The following SEMA4D variants were observed in gnomAD, a reference collection of about 807,000 sequenced individuals.
SEMA4D encodes semaphorin-4D.
Under a neutral mutation model 74.8 loss-of-function variants are expected in SEMA4D, and 22 were observed. That is an observed-to-expected ratio of 0.29 (90% CI 0.21 to 0.42). The LOEUF is 0.42. Ranked by LOEUF, SEMA4D falls within the 10% of genes least tolerant of loss-of-function variation. The pLI, the probability that SEMA4D is intolerant of heterozygous loss-of-function variation, is 1.00. For missense variants in SEMA4D, 937 were observed against 1,118.4 expected (o/e 0.84, Z 2.31); for synonymous variants, 445 against 463.7 (o/e 0.96, Z 0.52).
Position 89,405,417 on chromosome 9 carries a change from G to A in SEMA4D, c.40C>T (p.Leu14Phe), listed in dbSNP as rs777039375. 11 of 1,613,978 alleles carry A rather than the reference G, an allele frequency of 6.8e-6. No homozygotes were observed. In the Admixed American group the frequency reaches 1.7e-4, roughly 24 times the overall value. The change falls in exon 3 of 16, where the codon CTT becomes TTT. Residue 14 changes from leucine (L) to phenylalanine (F), a missense_variant. Transcript: ENST00000422704. ...CTPIRGLLMALAVMFGTAMAF... is the reference protein window; with the variant it reads ...CTPIRGLLMAFAVMFGTAMAF... The stretch of plus-strand genomic sequence containing the variant: ...ATCGCTGTCCCAAACATCACTGCAA[G>A]GGCCATGAGCAGCCCCCTAATGGGG...
chr9:89,398,003 A>G (rs1841369406), intron 5 of SEMA4D, among the ~76,000 whole-genome samples: 1 of 152,144 alleles, frequency 6.6e-6, no homozygotes, highest in Admixed American at 6.5e-5. Flanking sequence ...CCAAGAATCC[A>G]AAAGTCCCAG....
intron 1 of SEMA4D, among the ~76,000 whole-genome samples, chr9:89,471,761 C>T (rs1860363312): frequency 6.8e-6 from 1 of 147,012 alleles, no homozygotes; most frequent in South Asian, 2.2e-4. Context: ...TGCATGCCAA[C>T]TCAGGTGCAT....
chr9:89,367,010 G>T (rs541476417), intron 16 of SEMA4D: 11 of 152,522 alleles, frequency 7.2e-5, no homozygotes, highest in Non-Finnish European at 1.5e-4. Context: ...TACACTCTTG[G>T]GGTGTGAGCA....
At chr9:89,448,807 G>A (rs1419827233) in intron 2 of SEMA4D, among the ~76,000 whole-genome samples, 1 of 152,216 alleles carries the variant, frequency 6.6e-6, no homozygotes. Context: ...TGCCTGAGGG[G>A]CTTTTCCCAG....
At chr9:89,467,678 C>T (rs926751902) in intron 1 of SEMA4D, among the ~76,000 whole-genome samples, 5 of 151,762 alleles carry the variant, frequency 3.3e-5, no homozygotes, top group African/African-American at 7.3e-5. Flanking sequence ...ATTGTAGGTG[C>T]GCACCATCAC....
chr9:89,403,044 T>G, intron 3 of SEMA4D, 28 bp from the exon 4 acceptor site: 4 of 1,592,226 alleles, frequency 2.5e-6, no homozygotes, highest in Non-Finnish European at 3.4e-6. Flanking sequence ...AGGGTCAGAG[T>G]GGGAGGAAGA....
chr9:89,371,567 G>T (rs1481620889), intron 16 of SEMA4D, among the ~76,000 whole-genome samples: 1 of 66,922 alleles, frequency 1.5e-5, no homozygotes, highest in Non-Finnish European at 2.9e-5. Flanking sequence ...TGTGTGGGGG[G>T]GGGTGTGTGT....
chr9:89,471,151 CGT>C (rs1860088167), intron 1 of SEMA4D, among the ~76,000 whole-genome samples: 1 of 152,156 alleles, frequency 6.6e-6, no homozygotes, highest in Non-Finnish European at 1.5e-5. Context: ...AGAAACACTG[CGT>C]GATTCCACTT....
At chr9:89,477,634 T>C (rs952962506) in intron 1 of SEMA4D, among the ~76,000 whole-genome samples, 1 of 152,212 alleles carries the variant, frequency 6.6e-6, no homozygotes, top group African/African-American at 2.4e-5. Flanking sequence ...ACCCCCTCTA[T>C]GGATGTGTGT....
In SEMA4D at chr9:89,433,342, G is replaced by A. The variant is rs139754135; in HGVS notation, c.-244+22546C>T. ...TTGCTCACTTCCAGGGGGGCCAGGC[G>A]GTCGGTGGGCCACTGCAGCATGGTC... On this transcript the variant is annotated intron_variant, in intron 2 of 15. Coordinates refer to ENST00000422704, the MANE Select transcript of SEMA4D (RefSeq NM_001371194.2). Among the ~76,000 whole-genome samples, 821 of 152,330 alleles carry A rather than the reference G, an allele frequency of 5.4e-3. 29 individuals are homozygous for A. Among genetic ancestry groups the A allele is most frequent in the Admixed American group, 0.049 (744 of 15,304 alleles).
At position 89,379,666 on chromosome 9, in the gene SEMA4D, T is replaced by G. The variant is rs1240473784; in HGVS notation, c.1664-37A>C. On this transcript the variant is annotated intron_variant, in intron 15 of 15. Transcript: ENST00000422704. ...AAATAAACGTGCACAGCGTCAACAA[T>G]CCCCATTTGCTATTTAACAACTTCT... The G allele has an allele frequency of 3.2e-6, 5 of 1,567,536 alleles. No individual in the cohort carries two copies. In the South Asian group the frequency reaches 5.9e-5, roughly 19 times the overall value.
intron 1 of SEMA4D, among the ~76,000 whole-genome samples, chr9:89,494,693 G>C (rs1336649332): frequency 6.6e-6 from 1 of 152,140 alleles, no homozygotes; most frequent in South Asian, 2.1e-4. Context: ...CAAAGTGCAT[G>C]CAAGTAGGCA....
At chr9:89,427,106 G>A (rs1192945514) in intron 2 of SEMA4D, among the ~76,000 whole-genome samples, 2 of 152,182 alleles carry the variant, frequency 1.3e-5, no homozygotes, top group Non-Finnish European at 2.9e-5. Context: ...GTCAGAGGTA[G>A]ATACACTCTA....
intron 2 of SEMA4D, among the ~76,000 whole-genome samples, chr9:89,447,700 G>GTC (rs1853285719): frequency 6.6e-6 from 1 of 151,986 alleles, no homozygotes; most frequent in Non-Finnish European, 1.5e-5. Context: ...GAAGCCAGGG[G>GTC]TCTTCCCCAA....
intron 2 of SEMA4D, among the ~76,000 whole-genome samples, chr9:89,427,625 A>AC (rs1848375584): frequency 6.6e-6 from 1 of 151,634 alleles, no homozygotes; most frequent in Non-Finnish European, 1.5e-5. Flanking sequence ...CCCCCTCTCC[A>AC]CCCCCCGGTC....
intron 1 of SEMA4D, among the ~76,000 whole-genome samples, chr9:89,457,057 G>A (rs1856103949): frequency 6.6e-6 from 1 of 152,228 alleles, no homozygotes; most frequent in South Asian, 2.1e-4. Context: ...ACAAGGCACA[G>A]AGCCGCAAAT....
Position 89,379,418 on chromosome 9 carries a change from C to T in SEMA4D, c.1875G>A (p.Leu625=). The T allele has an allele frequency of 6.2e-7, 1 of 1,614,190 alleles. No individual in the cohort carries two copies. Among genetic ancestry groups the T allele is most frequent in the Non-Finnish European group, 8.5e-7 (1 of 1,180,016 alleles). ...SEGDSGVYQC[L]SEERVKNKTV... ...TTTTGTTCTTAACCCTCTCCTCTGA[C>T]AGGCACTGGTACACCCCACTGTCTC... is the stretch of plus-strand genomic sequence containing the variant. The change falls in exon 16 of 16, where the codon CTG becomes CTA. Residue 625 remains leucine, a synonymous_variant. Transcript: ENST00000422704.
intron 13 of SEMA4D, chr9:89,385,170 T>G: frequency 1.1e-6 from 1 of 902,234 alleles, no homozygotes; most frequent in East Asian, 1.2e-4. Context: ...GCGGCCCTCC[T>G]CTTCCTACCC....
chr9:89,405,254 G>A (rs1744946816), intron 3 of SEMA4D, 97 bp downstream of exon 3: 1 of 996,994 alleles, frequency 1.0e-6, no homozygotes, highest in African/African-American at 1.6e-5. Context: ...TCCAGGAAGT[G>A]GGGTCCCTGT....
Sources: gnomAD v4.1 joint callset for allele counts (sites outside exome capture counted in the v4.1 genomes callset) on GRCh38, gnomAD v4.1.1 for gene constraint, MANE v1.5 for transcripts, NCBI Gene and HGNC (gene_info 2026-07-23, HGNC 2026-07-21) for gene names.